STK26: variants seen among roughly 807,000 people sequenced by gnomAD.
The protein encoded by STK26 is serine/threonine-protein kinase 26.
STK26 carries 14 observed loss-of-function variants against 34.7 expected under a neutral mutation model. The observed-to-expected ratio is 0.40, with a 90% CI of 0.27 to 0.63. STK26 has a LOEUF of 0.63. STK26 is among the 30% of genes least tolerant of loss of function. The pLI, the probability that STK26 is intolerant of heterozygous loss-of-function variation, is 0.38. For synonymous variants in STK26, 100 were observed against 109.8 expected (o/e 0.91, Z 0.56); for missense variants, 226 against 309.1 (o/e 0.73, Z 2.02).
At chrX:132,072,732 T>G in intron 9 of STK26, 81 bp from the exon 10 acceptor site, 1 of 1,003,815 alleles carries the variant, frequency 1.0e-6, no homozygotes, top group African/African-American at 1.9e-5. Flanking sequence ...GGATTCAAAT[T>G]AGTTCGTATT....
intron 2 of STK26, among the ~76,000 whole-genome samples, chrX:132,035,412 GATTT>G (rs1455344536): frequency 4.5e-5 from 5 of 110,062 alleles, no homozygotes; most frequent in Admixed American, 9.6e-5. Flanking sequence ...TTTATTGATT[GATTT>G]AATTTTATTA....
Position 132,038,753 on chromosome X carries a change from G to A in STK26, c.42+15094G>A, listed in dbSNP as rs147925233. ...ATTGTTATTTTTCCAGTAGGTTCTG[G>A]CATTAAAGGTCTCCCTTGGGGAATG... On this transcript the variant is annotated intron_variant, in intron 2 of 11. Transcript: ENST00000394334. 6.7e-5 allele frequency among the ~76,000 whole-genome samples: 7 copies of A among 104,364 alleles called. No individual in the cohort carries two copies. The South Asian group carries it at 2.5e-3, about 38-fold the overall frequency. 90.6% of individuals were successfully genotyped at this position (104,364 alleles called of 115,157 possible). A position where few individuals can be genotyped will look rare whatever the true frequency, so the allele number is the denominator to read the frequency against.
intron 2 of STK26, among the ~76,000 whole-genome samples, chrX:132,038,665 C>T (rs753814666): frequency 9.0e-6 from 1 of 110,983 alleles, no homozygotes; most frequent in Non-Finnish European, 1.9e-5. Flanking sequence ...ATTTGAACTG[C>T]TATTTTGTGG....
At chrX:132,033,489 C>T (rs1193024791) in intron 2 of STK26, among the ~76,000 whole-genome samples, 1 of 111,796 alleles carries the variant, frequency 8.9e-6, no homozygotes, top group Non-Finnish European at 1.9e-5. Context: ...TGCTACTGAC[C>T]CCATAGGAAG....
At chrX:132,062,158 C>T (rs1202036902) in intron 3 of STK26, among the ~76,000 whole-genome samples, 1 of 111,837 alleles carries the variant, frequency 8.9e-6, no homozygotes, top group African/African-American at 3.3e-5. Flanking sequence ...TAAAAACCAA[C>T]TTTTGGAACA....
intron 2 of STK26, among the ~76,000 whole-genome samples, chrX:132,041,858 A>T (rs955885775): frequency 3.6e-5 from 4 of 111,806 alleles, no homozygotes; most frequent in Non-Finnish European, 7.5e-5. Context: ...ATAGACAAGG[A>T]CTATAAATAT....
At position 132,068,298 on chromosome X, in the gene STK26, A is replaced by G. The variant is rs1188291107; in HGVS notation, c.414A>G (p.Glu138=). 8.3e-7 allele frequency: 1 copy of G among 1,203,928 alleles called. No individual in the cohort carries two copies. Among genetic ancestry groups the G allele is most frequent in the African/African-American group, 1.8e-5 (1 of 56,656 alleles). ...ILKGLDYLHS[E]KKIHRDIKAA... ...AAGGTCTGGACTATCTGCATTCAGA[A>G]AAGAAAATTCACCGAGACATAAAAG... is the stretch of plus-strand genomic sequence containing the variant. Residue 138 remains glutamate (E), a synonymous_variant, in exon 5 of 12, where the codon GAA becomes GAG. Coordinates refer to ENST00000394334, the MANE Select transcript of STK26 (RefSeq NM_016542.4).
At chrX:132,069,306 A>G (rs1432394667) in intron 6 of STK26, among the ~76,000 whole-genome samples, 172 bp from the exon 7 acceptor site, 2 of 103,616 alleles carry the variant, frequency 1.9e-5, no homozygotes, top group Non-Finnish European at 3.9e-5. Context: ...ATTTATTAAC[A>G]CCACATTTTC....
At chrX:132,054,553 G>T in intron 2 of STK26, 78 bp from the exon 3 acceptor site, 1 of 897,129 alleles carries the variant, frequency 1.1e-6, no homozygotes, top group Non-Finnish European at 1.6e-6. Flanking sequence ...TGTCTTATGT[G>T]ATTTATTTTC....
At chrX:132,055,421 C>T (rs1436590775) in intron 3 of STK26, 1 of 1,096,935 alleles carries the variant, frequency 9.1e-7, no homozygotes, top group East Asian at 3.3e-5. Flanking sequence ...TCTGCCTCCC[C>T]CTCCAAATAA....
In STK26 at chrX:132,064,312, T is replaced by G. The variant is rs149640584; in HGVS notation, c.330+823T>G. Among the ~76,000 whole-genome samples, 464 of 112,066 alleles carry G rather than the reference T, an allele frequency of 4.1e-3. 5 individuals carry two copies. Among genetic ancestry groups the G allele is most frequent in the African/African-American group, 0.014 (432 of 30,842 alleles). ...CCCCTCTATAGGTTATTTGGAAATGTGATGGCATTTGGGTTGTCACAATGA... is the reference window on the plus strand; with the variant it reads ...CCCCTCTATAGGTTATTTGGAAATGGGATGGCATTTGGGTTGTCACAATGA... On this transcript the variant is annotated intron_variant, in intron 4 of 11. Coordinates refer to ENST00000394334, the MANE Select transcript of STK26 (RefSeq NM_016542.4).
rs1160860734 is a variant in STK26, at chrX:132,074,800, A to G, written c.*641A>G. 9.0e-6 allele frequency: 1 copy of G among 111,451 alleles called. No individual in the cohort carries two copies. Among genetic ancestry groups the G allele is most frequent in the Non-Finnish European group, 1.9e-5 (1 of 52,899 alleles). 9.2% of individuals were successfully genotyped at this position (111,451 alleles called of 1,213,427 possible). ...CAGCAACAGAGGTACCTCTTGGTGT[A>G]TAGTATTTACATTCTCTTTTAGGTA... On this transcript the variant is annotated 3_prime_UTR_variant, in exon 12 of 12. Transcript: ENST00000394334.
In STK26 at chrX:132,054,789, T is replaced by C. The variant is rs141788407; in HGVS notation, c.201T>C (p.Ile67=). The change falls in exon 3 of 12, where the codon ATT becomes ATC. Residue 67 remains isoleucine (I), a synonymous_variant. Coordinates refer to ENST00000394334, the MANE Select transcript of STK26 (RefSeq NM_016542.4). The part of the protein sequence containing the change: ...LEEAEDEIED[I]QQEITVLSQC... Reference sequence around the variant, plus strand: ...AAGCCGAAGATGAAATAGAAGACATTCAGCAAGAAATAACTGTCTTGAGTC... The same window carrying C: ...AAGCCGAAGATGAAATAGAAGACATCCAGCAAGAAATAACTGTCTTGAGTC... 52 of 1,209,974 alleles carry C rather than the reference T, an allele frequency of 4.3e-5. No individual in the cohort carries two copies. The African/African-American group carries it at 4.7e-4, about 11-fold the overall frequency.
chrX:132,032,010 A>G (rs1459615955), intron 2 of STK26, among the ~76,000 whole-genome samples: 1 of 111,067 alleles, frequency 9.0e-6, no homozygotes, highest in African/African-American at 3.3e-5. Context: ...CAGAAAACCT[A>G]TATATGGAAC....
intron 2 of STK26, among the ~76,000 whole-genome samples, chrX:132,023,902 G>A (rs1287732538): frequency 8.9e-6 from 1 of 112,167 alleles, no homozygotes; most frequent in Non-Finnish European, 1.9e-5. Flanking sequence ...ATTGAGGGCG[G>A]TTGGGGGTAT....
At chrX:132,041,759 AG>A (rs1926275541) in intron 2 of STK26, among the ~76,000 whole-genome samples, 1 of 111,048 alleles carries the variant, frequency 9.0e-6, no homozygotes, top group Non-Finnish European at 1.9e-5. Flanking sequence ...TTAAGGAAAA[AG>A]ATCAACTTTT....
chrX:132,045,351 T>C (rs1422502311), intron 2 of STK26, among the ~76,000 whole-genome samples: 2 of 111,787 alleles, frequency 1.8e-5, no homozygotes, highest in African/African-American at 6.5e-5. Flanking sequence ...ATTACCTTGT[T>C]TCAAAACTAG....
chrX:132,062,705 C>T lies in STK26; in HGVS notation c.274-728C>T, dbSNP rs1036845924. The stretch of plus-strand genomic sequence containing the variant: ...TTCTACAAGCCCTCATTTACCTCCT[C>T]ATTCTTTAATGTAACTATCTTTTCT... On this transcript the variant is annotated intron_variant, in intron 3 of 11. Coordinates refer to ENST00000394334, the MANE Select transcript of STK26 (RefSeq NM_016542.4). 5.8e-4 allele frequency among the ~76,000 whole-genome samples: 65 copies of T among 112,430 alleles called. 1 individual carries two copies. The highest frequency in any genetic ancestry group is 3.6e-4 in the South Asian group (1 of 2,760).
Position 132,068,283 on chromosome X carries a change from C to T in STK26, c.399C>T (p.Asp133=), listed in dbSNP as rs773257265. 1 of 1,206,923 alleles carries T rather than the reference C, an allele frequency of 8.3e-7. No homozygotes were observed. The highest frequency in any genetic ancestry group is 1.8e-5 in the South Asian group (1 of 56,288). ...TAAAGGAAATTTTAAAAGGTCTGGA[C>T]TATCTGCATTCAGAAAAGAAAATTC... is the stretch of plus-strand genomic sequence containing the variant. ...TMLKEILKGL[D]YLHSEKKIHR... is the part of the protein sequence containing the mutation. Residue 133 remains aspartate, a synonymous_variant, in exon 5 of 12, where the codon GAC becomes GAT. Coordinates refer to ENST00000394334, the MANE Select transcript of STK26 (RefSeq NM_016542.4).
Sources: allele counts gnomAD v4.1 joint callset (sites outside exome capture counted in the v4.1 genomes callset), GRCh38; gene constraint gnomAD v4.1.1; transcripts MANE v1.5; gene names NCBI Gene and HGNC (gene_info 2026-07-23, HGNC 2026-07-21).